The following ZNF619 variants were observed in gnomAD, a reference collection of about 807,000 sequenced individuals.
The protein encoded by ZNF619 is zinc finger protein 619.
In ZNF619, 9 loss-of-function variants were observed where a neutral mutation model predicts 14.2. The observed-to-expected ratio is 0.64, with a 90% CI of 0.38 to 1.11. The LOEUF (loss-of-function observed/expected upper bound fraction) is 1.11. ZNF619 is among the 50% of genes least tolerant of loss of function. The pLI is 0.01. For synonymous variants in ZNF619, 246 were observed against 252.8 expected (o/e 0.97, Z 0.26); for missense variants, 659 against 680.1 (o/e 0.97, Z 0.34).
At chr3:40,482,126 G>C in intron 3 of ZNF619, 110 bp downstream of exon 3, 10 of 1,552,516 alleles carry the variant, frequency 6.4e-6, no homozygotes, top group Non-Finnish European at 8.7e-6. Context: ...TGCCCTATGG[G>C]CTGAGCTCCC....
At position 40,490,148 on chromosome 3, in the gene ZNF619, G is replaced by C. The variant is rs1246575774; in HGVS notation, c.*1907G>C. The C allele has an allele frequency of 6.6e-6, 1 of 152,214 alleles. No homozygotes were observed. Among genetic ancestry groups the C allele is most frequent in the African/African-American group, 2.4e-5 (1 of 41,458 alleles). 9.4% of individuals were successfully genotyped at this position (152,214 alleles called of 1,614,324 possible). On this transcript the variant is annotated 3_prime_UTR_variant, in exon 5 of 5. Transcript: ENST00000432264. Reference sequence around the variant, plus strand: ...CTCCTGCCATGTCATGATGCAGCAAGTAAGCCCTTACCAGATGCCTGCACC... The same window carrying C: ...CTCCTGCCATGTCATGATGCAGCAACTAAGCCCTTACCAGATGCCTGCACC...
Position 40,490,534 on chromosome 3 carries a change from C to T in ZNF619, c.*2293C>T, listed in dbSNP as rs567648739. Among the ~76,000 whole-genome samples, 1 of 152,204 alleles carries T rather than the reference C, an allele frequency of 6.6e-6. No homozygotes were observed. The highest frequency in any genetic ancestry group is 2.4e-5 in the African/African-American group (1 of 41,538). On this transcript the variant is annotated 3_prime_UTR_variant, in exon 5 of 5. Transcript: ENST00000432264. ...AACTTGGGTTTCAACTGTGTGGGTCCACTTATGGACTTTCTTCTGCCTCTG... is the reference window on the plus strand; with the variant it reads ...AACTTGGGTTTCAACTGTGTGGGTCTACTTATGGACTTTCTTCTGCCTCTG...
rs1478464460 is a variant in ZNF619 at position 40,482,239 on chromosome 3, C to T, written c.178+223C>T. 4.5e-6 allele frequency: 7 copies of T among 1,551,726 alleles called. No individual in the cohort carries two copies. In the East Asian group the frequency reaches 7.3e-5, roughly 16 times the overall value. On this transcript the variant is annotated intron_variant, in intron 3 of 4. Transcript: ENST00000432264. ...CTGGTTCCTAATGGAGACCCAACTG[C>T]AGGGGGCTTTCCTCTGGATACAGAG...
Position 40,488,324 on chromosome 3 carries a change from G to A in ZNF619, c.*83G>A. ...TGATTGTGTCTATTGATATTCCTCTGGTCTTGTCTTGTATAAGTTGTTACT... is the reference window on the plus strand; with the variant it reads ...TGATTGTGTCTATTGATATTCCTCTAGTCTTGTCTTGTATAAGTTGTTACT... On this transcript the variant is annotated 3_prime_UTR_variant, in exon 5 of 5. Transcript: ENST00000432264. 1 of 731,572 alleles carries A rather than the reference G, an allele frequency of 1.4e-6. No homozygotes were observed. Among genetic ancestry groups the A allele is most frequent in the South Asian group, 1.7e-5 (1 of 57,176 alleles). 45.3% of individuals were successfully genotyped at this position (731,572 alleles called of 1,614,324 possible). A position where few individuals can be genotyped will look rare whatever the true frequency, so the allele number is the denominator to read the frequency against.
At chr3:40,480,980 A>C (rs1004459610) in intron 2 of ZNF619, among the ~76,000 whole-genome samples, 3 of 152,174 alleles carry the variant, frequency 2.0e-5, no homozygotes, top group African/African-American at 7.2e-5. Context: ...TCCTTATACA[A>C]CCTTGTAATA....
Position 40,487,190 on chromosome 3 carries a change from CTAA to C in ZNF619, c.682_684del (p.Asn228del). On this transcript the variant is annotated inframe_deletion, in exon 5 of 5. Coordinates refer to ENST00000432264, the MANE Select transcript of ZNF619 (RefSeq NM_001145093.4). ...TTTCACCTGCATCAGAGAGTTCACA[CTAA>C]TGAGAAGCCCTACACATGCAAAGAA... is the stretch of plus-strand genomic sequence containing the variant. The C allele has an allele frequency of 6.2e-7, 1 of 1,614,196 alleles. No individual in the cohort carries two copies. The highest frequency in any genetic ancestry group is 8.5e-7 in the Non-Finnish European group (1 of 1,180,038).
At chr3:40,480,550 G>A (rs1055682482) in intron 2 of ZNF619, among the ~76,000 whole-genome samples, 1 of 150,968 alleles carries the variant, frequency 6.6e-6, no homozygotes, top group Non-Finnish European at 1.5e-5. Context: ...CCAGGCTGGG[G>A]TGCAGTGGTG....
chr3:40,485,392 C>T (rs1697547183), intron 4 of ZNF619, among the ~76,000 whole-genome samples: 8 of 151,690 alleles, frequency 5.3e-5, no homozygotes, highest in Admixed American at 5.2e-4. Flanking sequence ...ATCTCTGCCT[C>T]CTAGGTTCAA....
At chr3:40,483,272 A>G (rs910986835) in intron 4 of ZNF619, among the ~76,000 whole-genome samples, 4 of 151,508 alleles carry the variant, frequency 2.6e-5, no homozygotes, top group Non-Finnish European at 4.4e-5. Flanking sequence ...TAAACACAAT[A>G]TAGTAAGAAC....
chr3:40,488,299 T>A lies in ZNF619; in HGVS notation c.*58T>A, dbSNP rs920356678. The A allele has an allele frequency of 6.1e-5, 50 of 824,426 alleles. No homozygotes were observed. The highest frequency in any genetic ancestry group is 1.4e-5 in the Non-Finnish European group (7 of 497,914). 51.1% of individuals were successfully genotyped at this position (824,426 alleles called of 1,614,324 possible). A position where few individuals can be genotyped will look rare whatever the true frequency, so the allele number is the denominator to read the frequency against. Reference sequence around the variant, plus strand: ...CAAGTTAGGGATTCCACTGGTCTCCTGATTGTGTCTATTGATATTCCTCTG... The same window carrying A: ...CAAGTTAGGGATTCCACTGGTCTCCAGATTGTGTCTATTGATATTCCTCTG... On this transcript the variant is annotated 3_prime_UTR_variant, in exon 5 of 5. Transcript: ENST00000432264.
intron 2 of ZNF619, among the ~76,000 whole-genome samples, chr3:40,481,456 C>T (rs1427044365): frequency 6.6e-6 from 1 of 152,184 alleles, no homozygotes. Context: ...TGAAATCACT[C>T]CTCTGTCTGT....
intron 4 of ZNF619, among the ~76,000 whole-genome samples, 171 bp from the exon 5 acceptor site, chr3:40,486,635 A>T (rs1420441450): frequency 6.6e-6 from 1 of 150,606 alleles, no homozygotes; most frequent in East Asian, 2.0e-4. Flanking sequence ...TGGGATGCGG[A>T]GGTTGTGGTG....
At position 40,487,975 on chromosome 3, in the gene ZNF619, C is replaced by G; in HGVS notation, c.1465C>G (p.Leu489Val). 1 of 1,614,186 alleles carries G rather than the reference C, an allele frequency of 6.2e-7. No individual in the cohort carries two copies. Among genetic ancestry groups the G allele is most frequent in the South Asian group, 1.1e-5 (1 of 91,076 alleles). The stretch of plus-strand genomic sequence containing the variant: ...GAAGAAACTCATCAATGGAACAGGG[C>G]TATCCGCAGTTAAGCCCTACTGTCC... ...TRKKLINGTG[L>V]SAVKPYCPCA... Residue 489 changes from leucine to valine, a missense_variant, in exon 5 of 5, where the codon CTA becomes GTA. Leu to Val is a conservative substitution (Grantham distance 32). Coordinates refer to ENST00000432264, the MANE Select transcript of ZNF619 (RefSeq NM_001145093.4).
At chr3:40,482,551 T>C (rs1267174210) in intron 3 of ZNF619, 37 bp from the exon 4 acceptor site, 4 of 1,602,646 alleles carry the variant, frequency 2.5e-6, no homozygotes. Flanking sequence ...CAGTGTTGAT[T>C]CTCCTCAGCT....
rs1697731839 is a variant in ZNF619, at chr3:40,489,080, A to G, written c.*839A>G. ...AAAAATTATGAGGGTCCTTTTATGC[A>G]AAAAGAAAATGAAGTGATGAGTTGG... On this transcript the variant is annotated 3_prime_UTR_variant, in exon 5 of 5. Transcript: ENST00000432264. 1 of 152,116 alleles carries G rather than the reference A, an allele frequency of 6.6e-6. No individual in the cohort carries two copies. The highest frequency in any genetic ancestry group is 6.5e-5 in the Admixed American group (1 of 15,272). 9.4% of individuals were successfully genotyped at this position (152,116 alleles called of 1,614,324 possible).
intron 4 of ZNF619, among the ~76,000 whole-genome samples, chr3:40,485,361 G>A (rs147647099): frequency 1.7e-4 from 25 of 150,862 alleles, no homozygotes; most frequent in African/African-American, 5.9e-4. Flanking sequence ...GAGCGCAGTG[G>A]CGCAATGTTG....
At chr3:40,484,100 A>T (rs1270809478) in intron 4 of ZNF619, among the ~76,000 whole-genome samples, 1 of 151,914 alleles carries the variant, frequency 6.6e-6, no homozygotes, top group Non-Finnish European at 1.5e-5. Flanking sequence ...TAATTTTTGT[A>T]GTTTTAGTAG....
In ZNF619 at chr3:40,487,209, A is replaced by G; in HGVS notation, c.699A>G (p.Thr233=). The G allele has an allele frequency of 1.2e-6, 2 of 1,614,206 alleles. No individual in the cohort carries two copies. The highest frequency in any genetic ancestry group is 1.1e-5 in the South Asian group (1 of 91,086). The change falls in exon 5 of 5, where the codon ACA becomes ACG. Residue 233 remains threonine (T), a synonymous_variant. Coordinates refer to ENST00000432264, the MANE Select transcript of ZNF619 (RefSeq NM_001145093.4). ...TTCACACTAATGAGAAGCCCTACAC[A>G]TGCAAAGAATGTGGGAAAACCTTCA... is the stretch of plus-strand genomic sequence containing the variant. ...QRVHTNEKPY[T]CKECGKTFRY...
At chr3:40,481,538 T>C (rs1200013261) in intron 2 of ZNF619, among the ~76,000 whole-genome samples, 1 of 152,074 alleles carries the variant, frequency 6.6e-6, no homozygotes, top group Non-Finnish European at 1.5e-5. Context: ...TCAGGATGGA[T>C]GGAGGCAGGG....
Sources: gnomAD v4.1 joint callset for allele counts (sites outside exome capture counted in the v4.1 genomes callset) on GRCh38, gnomAD v4.1.1 for gene constraint, MANE v1.5 for transcripts, NCBI Gene and HGNC (gene_info 2026-07-23, HGNC 2026-07-21) for gene names.